Variants in DSG1 observed in about 807,000 individuals in gnomAD.
DSG1 encodes the protein desmoglein-1.
DSG1 carries 39 observed loss-of-function variants against 97.5 expected under a neutral mutation model. The ratio of observed to expected loss-of-function variants is 0.40; its 90% CI spans 0.31 to 0.52. The LOEUF (loss-of-function observed/expected upper bound fraction) is 0.52, where lower values mean the gene tolerates loss of function less well. Among genes scored for constraint, DSG1 ranks in the 20% least tolerant of loss-of-function variants. The probability of loss-of-function intolerance (pLI) is 0.53; values close to 1 mark genes in which losing one functional copy is unlikely to be tolerated. For synonymous variants in DSG1, 475 were observed against 443.4 expected (o/e 1.07, Z -0.90); for missense variants, 1,311 against 1,295.4 (o/e 1.01, Z -0.18).
Position 31,353,623 on chromosome 18 carries a change from C to T in DSG1, c.2101-674C>T, listed in dbSNP as rs979559717. Among the ~76,000 whole-genome samples, 5 of 152,248 alleles carry T rather than the reference C, an allele frequency of 3.3e-5. No homozygotes were observed. The South Asian group carries it at 6.2e-4, about 19-fold the overall frequency. On this transcript the variant is annotated intron_variant, in intron 14 of 14. Coordinates refer to ENST00000257192, the MANE Select transcript of DSG1 (RefSeq NM_001942.4). ...ACTGCTGTGCTAGCAATCAGCGAGACTCCGTGGGCGTAGGACCCTCCGAGC... is the reference window on the plus strand; with the variant it reads ...ACTGCTGTGCTAGCAATCAGCGAGATTCCGTGGGCGTAGGACCCTCCGAGC...
At chr18:31,340,563 A>G (rs1425973875) in intron 11 of DSG1, among the ~76,000 whole-genome samples, 7 of 151,938 alleles carry the variant, frequency 4.6e-5, no homozygotes, top group East Asian at 1.9e-4. Flanking sequence ...CAAAAAAAAA[A>G]AAAAGAAAAG....
At chr18:31,333,897 G>A in intron 7 of DSG1, 120 bp from the exon 8 acceptor site, 1 of 1,138,140 alleles carries the variant, frequency 8.8e-7, no homozygotes, top group Non-Finnish European at 1.3e-6. Context: ...AATGAAAAAT[G>A]AGATGAAAAC....
Position 31,326,923 on chromosome 18 carries a change from G to A in DSG1, c.134G>A (p.Arg45Gln), listed in dbSNP as rs78287742. The change falls in exon 3 of 15, where the codon CGA becomes CAA. Residue 45 changes from arginine (R) to glutamine (Q), a missense_variant. This residue lies in a region of DSG1 where 259 missense variants were observed against 304.1 expected (regional missense o/e 0.85). Transcript: ENST00000257192. Reference sequence around the variant, plus strand: ...GGCACCATCAAATGGCATTCAATCCGAAGGCAGAAACGTGAATGGATCAAG... The same window carrying A: ...GGCACCATCAAATGGCATTCAATCCAAAGGCAGAAACGTGAATGGATCAAG... ...KNGTIKWHSI[R>Q]RQKREWIKFA... 56 of 1,613,818 alleles carry A rather than the reference G, an allele frequency of 3.5e-5. No homozygotes were observed. The highest frequency in any genetic ancestry group is 3.1e-4 in the East Asian group (14 of 44,848).
rs1286305765 is a variant in DSG1, at chr18:31,326,505, T to C, written c.49-76T>C. ...ACAAGCCTATGGTTTCATGTTGTTT[T>C]TAAAGTAACTGGATAATATAAATTT... On this transcript the variant is annotated intron_variant, in intron 1 of 14. Transcript: ENST00000257192. 6.0e-6 allele frequency: 7 copies of C among 1,166,598 alleles called. No individual in the cohort carries two copies. The Admixed American group carries it at 1.3e-4, about 21-fold the overall frequency. 72.3% of individuals were successfully genotyped at this position (1,166,598 alleles called of 1,614,324 possible). A position where few individuals can be genotyped will look rare whatever the true frequency, so the allele number is the denominator to read the frequency against.
At chr18:31,327,328 G>A (rs2071691971) in intron 3 of DSG1, among the ~76,000 whole-genome samples, 1 of 152,144 alleles carries the variant, frequency 6.6e-6, no homozygotes, top group Non-Finnish European at 1.5e-5. Context: ...TTACTTCAAT[G>A]TGTGCTCTTT....
chr18:31,321,514 A>G (rs1478231389), intron 1 of DSG1, among the ~76,000 whole-genome samples: 1 of 152,208 alleles, frequency 6.6e-6, no homozygotes, highest in Non-Finnish European at 1.5e-5. Context: ...TTCAAGTGTC[A>G]TCATTAACAG....
In DSG1 at chr18:31,328,317, T is replaced by G. The variant is rs1172564753; in HGVS notation, c.345T>G (p.Val115=). ...GTGAAATTAATATAACATCCATAGT[T>G]GATCGAGAGGTCACTCCTTTCTTCA... ...KTGEINITSI[V]DREVTPFFII... is the part of the protein sequence containing the mutation. The change falls in exon 4 of 15, where the codon GTT becomes GTG. Residue 115 remains valine (V), a synonymous_variant. Transcript: ENST00000257192. 6.2e-7 allele frequency: 1 copy of G among 1,613,340 alleles called. No individual in the cohort carries two copies. Among genetic ancestry groups the G allele is most frequent in the South Asian group, 1.1e-5 (1 of 91,066 alleles).
intron 1 of DSG1, among the ~76,000 whole-genome samples, chr18:31,325,351 C>T (rs966630950): frequency 1.3e-5 from 2 of 152,178 alleles, no homozygotes; most frequent in Non-Finnish European, 2.9e-5. Flanking sequence ...GTAAGGGAAG[C>T]GCAATAACAG....
intron 13 of DSG1, among the ~76,000 whole-genome samples, chr18:31,344,634 T>C (rs1463999249): frequency 1.3e-5 from 2 of 152,172 alleles, no homozygotes; most frequent in Non-Finnish European, 2.9e-5. Flanking sequence ...TGGAGTTTTT[T>C]CCAGCACGTG....
chr18:31,328,687 C>T (rs1193233723), intron 4 of DSG1, among the ~76,000 whole-genome samples: 2 of 151,892 alleles, frequency 1.3e-5, no homozygotes, highest in Non-Finnish European at 2.9e-5. Context: ...AGTAATGATT[C>T]TAGAGCTACT....
rs773955877 is a variant in DSG1 at position 31,345,941 on chromosome 18, G to C, written c.1892-49G>C. The C allele has an allele frequency of 2.6e-6, 4 of 1,510,302 alleles. No homozygotes were observed. In the African/African-American group the frequency reaches 4.2e-5, roughly 16 times the overall value. 93.6% of individuals were successfully genotyped at this position (1,510,302 alleles called of 1,614,324 possible). ...TTACAAGGCAAGTTGTTACTTTTTAGTTTATGATAGACTAAAGAAAATAAA... is the reference window on the plus strand; with the variant it reads ...TTACAAGGCAAGTTGTTACTTTTTACTTTATGATAGACTAAAGAAAATAAA... On this transcript the variant is annotated intron_variant, in intron 13 of 14. Transcript: ENST00000257192.
chr18:31,342,236 T>C (rs942831166), intron 11 of DSG1, among the ~76,000 whole-genome samples: 2 of 152,234 alleles, frequency 1.3e-5, no homozygotes, highest in African/African-American at 2.4e-5. Flanking sequence ...CCGTCCTGAG[T>C]TGTTTTTTTA....
chr18:31,331,504 T>C (rs2071720743), intron 5 of DSG1, among the ~76,000 whole-genome samples, 197 bp from the exon 6 acceptor site: 1 of 152,098 alleles, frequency 6.6e-6, no homozygotes, highest in Admixed American at 6.6e-5. Context: ...AGATTCCTAG[T>C]AAAATGTGAT....
intron 11 of DSG1, among the ~76,000 whole-genome samples, chr18:31,340,269 C>T (rs1267019143): frequency 6.6e-6 from 1 of 151,756 alleles, no homozygotes; most frequent in Non-Finnish European, 1.5e-5. Context: ...AGTGCCATAA[C>T]AAGCAGGCTC....
chr18:31,338,875 T>G (rs2071771355), intron 10 of DSG1, among the ~76,000 whole-genome samples: 1 of 152,212 alleles, frequency 6.6e-6, no homozygotes, highest in African/African-American at 2.4e-5. Context: ...TTTAAACATA[T>G]TTCTGTTATA....
rs2071966943 is a variant in DSG1, at chr18:31,357,228, C to T, written c.*1882C>T. ...AGCCACAGTATACATCTTCTTTTAACTCTGTAGAATATGTAAAATTTTGAT... is the reference window on the plus strand; with the variant it reads ...AGCCACAGTATACATCTTCTTTTAATTCTGTAGAATATGTAAAATTTTGAT... On this transcript the variant is annotated 3_prime_UTR_variant, in exon 15 of 15. Coordinates refer to ENST00000257192, the MANE Select transcript of DSG1 (RefSeq NM_001942.4). Among the ~76,000 whole-genome samples the T allele has an allele frequency of 6.6e-6, 1 of 152,006 alleles. No individual in the cohort carries two copies. The highest frequency in any genetic ancestry group is 1.5e-5 in the Non-Finnish European group (1 of 67,928).
intron 11 of DSG1, among the ~76,000 whole-genome samples, chr18:31,340,472 G>A (rs1490857594): frequency 5.3e-5 from 8 of 151,698 alleles, no homozygotes. Flanking sequence ...TCCGGGCATG[G>A]TGGTAGGTGC....
chr18:31,354,768 C>A lies in DSG1; in HGVS notation c.2572C>A (p.Pro858Thr), dbSNP rs777746179. 6.2e-7 allele frequency: 1 copy of A among 1,614,172 alleles called. No homozygotes were observed. Among genetic ancestry groups the A allele is most frequent in the Admixed American group, 1.7e-5 (1 of 60,024 alleles). Reference protein sequence around the residue: ...KPSVHVHDNRPASNVVVTERV... With the variant: ...KPSVHVHDNRTASNVVVTERV... ...CTCTGTGCACGTTCACGATAACCGA[C>A]CAGCATCAAACGTGGTAGTGACAGA... Residue 858 changes from proline to threonine, a missense_variant, in exon 15 of 15, where the codon CCA becomes ACA. Physicochemically the swap from Pro to Thr is conservative, Grantham distance 38. This residue lies in a region of DSG1 where 1,038 missense variants were observed against 964.6 expected (regional missense o/e 1.08). Transcript: ENST00000257192.
chr18:31,342,425 T>A (rs115078104), intron 11 of DSG1, among the ~76,000 whole-genome samples: 2,971 of 152,214 alleles, frequency 0.02, 102 homozygotes, highest in African/African-American at 0.069. Context: ...CTTATGTCTA[T>A]CCTTACTACC....
Sources: allele counts gnomAD v4.1 joint callset (sites outside exome capture counted in the v4.1 genomes callset), GRCh38; gene constraint gnomAD v4.1.1; regional missense constraint gnomAD v4.1.1; transcripts MANE v1.5; gene names NCBI Gene and HGNC (gene_info 2026-07-23, HGNC 2026-07-21).